RNF38: variants seen among roughly 807,000 people sequenced by gnomAD.
The protein encoded by RNF38 is ring finger protein 38, also known as E3 ubiquitin-protein ligase RNF38.
A neutral mutation model predicts 67.2 loss-of-function variants in RNF38; 15 were observed. The observed-to-expected ratio is 0.22, with a 90% confidence interval of 0.15 to 0.34. The LOEUF is 0.34. Among genes scored for constraint, RNF38 ranks in the 10% least tolerant of loss-of-function variants. The pLI is 1.00. For missense variants in RNF38, 524 were observed against 639.9 expected (o/e 0.82, Z 1.95); for synonymous variants, 220 against 218.8 (o/e 1.01, Z -0.05).
chr9:36,407,701 G>A (rs1284899084), intron 2 of RNF38, among the ~76,000 whole-genome samples: 1 of 152,140 alleles, frequency 6.6e-6, no homozygotes, highest in East Asian at 1.9e-4. Context: ...CTGTTCCGGA[G>A]AACAGACAGC....
intron 2 of RNF38, 63 bp from the exon 3 acceptor site, chr9:36,376,190 A>T: frequency 1.6e-6 from 2 of 1,246,352 alleles, no homozygotes; most frequent in Non-Finnish European, 1.1e-6. Context: ...ATTACTGCAT[A>T]TGCACAGGTG....
At chr9:36,451,508 T>TG (rs1564068056) in intron 1 of RNF38, among the ~76,000 whole-genome samples, 6 of 133,394 alleles carry the variant, frequency 4.5e-5, no homozygotes, top group African/African-American at 1.9e-4. Flanking sequence ...TTTTTTTTTT[T>TG]TTTTTTTTTG....
chr9:36,376,905 G>A (rs1039121822), intron 2 of RNF38, among the ~76,000 whole-genome samples: 9 of 135,650 alleles, frequency 6.6e-5, no homozygotes, highest in Admixed American at 1.6e-4. Flanking sequence ...CAGCCTCGGC[G>A]ACAAGAGTGA....
intron 1 of RNF38, among the ~76,000 whole-genome samples, chr9:36,395,669 A>G (rs1319281858): frequency 6.6e-6 from 1 of 152,216 alleles, no homozygotes; most frequent in African/African-American, 2.4e-5. Context: ...AATTTAAAAA[A>G]CATGTTTGAA....
At chr9:36,440,002 T>G (rs556657482) in intron 1 of RNF38, among the ~76,000 whole-genome samples, 28 of 152,088 alleles carry the variant, frequency 1.8e-4, no homozygotes, top group Non-Finnish European at 4.0e-4. Flanking sequence ...TCCCAGCAGT[T>G]TGGGAAGCTA....
At chr9:36,444,656 C>T (rs1273663214) in intron 1 of RNF38, among the ~76,000 whole-genome samples, 1 of 152,006 alleles carries the variant, frequency 6.6e-6, no homozygotes, top group Non-Finnish European at 1.5e-5. Context: ...AAAAATTAGC[C>T]AGAAGTGGTG....
At position 36,391,389 on chromosome 9, in the gene RNF38, TA is replaced by T. The variant is rs571072728; in HGVS notation, c.13-774del. On this transcript the variant is annotated intron_variant, in intron 1 of 11. Transcript: ENST00000259605. ...TGTAAATATACTTACTCTGTAACAT[TA>T]AAAAAAAAATCATGAACATAATGTG... Among the ~76,000 whole-genome samples, 216 of 149,322 alleles carry T rather than the reference TA, an allele frequency of 1.4e-3. 3 individuals are homozygous for T. In the South Asian group the frequency reaches 0.022, roughly 15 times the overall value.
intron 1 of RNF38, among the ~76,000 whole-genome samples, chr9:36,430,353 T>C (rs189037913): frequency 1.3e-5 from 2 of 152,150 alleles, no homozygotes; most frequent in African/African-American, 2.4e-5. Context: ...ATTACAGGCA[T>C]GCGCCACCAC....
At position 36,375,565 on chromosome 9, in the gene RNF38, G is replaced by A. The variant is rs539250486; in HGVS notation, c.356+369C>T. 2.6e-5 allele frequency among the ~76,000 whole-genome samples: 4 copies of A among 152,300 alleles called. No individual in the cohort carries two copies. In the East Asian group the frequency reaches 7.7e-4, roughly 29 times the overall value. ...AGGATACAGAAGGAAAAGGAATGGA[G>A]TAGAAAAGGAGTAGCTCATTTCTAA... On this transcript the variant is annotated intron_variant, in intron 3 of 11. Coordinates refer to ENST00000259605, the MANE Select transcript of RNF38 (RefSeq NM_022781.5).
chr9:36,400,380 C>A (rs1487993347), upstream of RNF38: 4 of 1,168,496 alleles, frequency 3.4e-6, no homozygotes, highest in East Asian at 4.0e-5. Flanking sequence ...TGCCGGGCAG[C>A]GGGCCGGCGG....
intron 1 of RNF38, among the ~76,000 whole-genome samples, chr9:36,448,972 C>T (rs543989279): frequency 1.9e-4 from 29 of 150,844 alleles, no homozygotes; most frequent in Admixed American, 1.3e-3. Context: ...CCAGCCTGGG[C>T]GACAAAGCGA....
In RNF38 at chr9:36,436,549, C is replaced by T. The variant is rs375887969; in HGVS notation, n.242-11866G>A. On this transcript the variant is annotated intron_variant and non_coding_transcript_variant, in intron 1 of 3. Transcript: ENST00000488058. ...AGAAACACTTAAAATCGTAGCTGGG[C>T]GCAGTGGCTCACACCTGTAATCCCA... is the stretch of plus-strand genomic sequence containing the variant. Among the ~76,000 whole-genome samples, 7 of 152,160 alleles carry T rather than the reference C, an allele frequency of 4.6e-5. No homozygotes were observed. The East Asian group carries it at 1.2e-3, about 25-fold the overall frequency.
intron 2 of RNF38, among the ~76,000 whole-genome samples, chr9:36,380,975 A>T (rs1250289091): frequency 6.6e-6 from 1 of 152,230 alleles, no homozygotes; most frequent in Non-Finnish European, 1.5e-5. Flanking sequence ...CCAAAGTAGT[A>T]CACTTAAAAA....
At chr9:36,421,857 G>A (rs1346731853) in intron 2 of RNF38, among the ~76,000 whole-genome samples, 1 of 152,124 alleles carries the variant, frequency 6.6e-6, no homozygotes, top group Admixed American at 6.5e-5. Flanking sequence ...TCAGGGGGCT[G>A]TTGTATATGT....
chr9:36,442,151 C>T (rs1284307985), intron 1 of RNF38, among the ~76,000 whole-genome samples: 1 of 152,166 alleles, frequency 6.6e-6, no homozygotes, highest in Admixed American at 6.5e-5. Flanking sequence ...TTGCCAAAGC[C>T]TTAGCTCAAA....
At chr9:36,357,975 G>GCTAAA (rs749309886) in intron 4 of RNF38, 33 bp from the exon 5 acceptor site, 1 of 1,580,938 alleles carries the variant, frequency 6.3e-7, no homozygotes. Context: ...ACAAACTTTA[G>GCTAAA]CTGTTTAGAT....
At chr9:36,419,884 C>T (rs929198470) in intron 2 of RNF38, among the ~76,000 whole-genome samples, 1 of 152,068 alleles carries the variant, frequency 6.6e-6, no homozygotes, top group African/African-American at 2.4e-5. Flanking sequence ...GATGACTTGG[C>T]AAGGAGCCTG....
intron 1 of RNF38, among the ~76,000 whole-genome samples, chr9:36,480,757 G>A (rs1335561575): frequency 1.3e-5 from 2 of 151,274 alleles, no homozygotes; most frequent in Non-Finnish European, 2.9e-5. Flanking sequence ...TCACCATGTT[G>A]CCCAGGCTGG....
At chr9:36,367,526 A>C (rs1835070025) in intron 4 of RNF38, among the ~76,000 whole-genome samples, 1 of 152,178 alleles carries the variant, frequency 6.6e-6, no homozygotes, top group Non-Finnish European at 1.5e-5. Flanking sequence ...TTATTCTTTT[A>C]ATACATCACT....
Sources: gnomAD v4.1 joint callset for allele counts (sites outside exome capture counted in the v4.1 genomes callset) on GRCh38, gnomAD v4.1.1 for gene constraint, MANE v1.5 for transcripts, NCBI Gene and HGNC (gene_info 2026-07-23, HGNC 2026-07-21) for gene names.